The following SCN2B variants were observed in gnomAD, a reference collection of about 807,000 sequenced individuals.
The protein encoded by SCN2B is sodium channel regulatory subunit beta-2.
SCN2B carries 14 observed loss-of-function variants against 18.2 expected under a neutral mutation model. That is an observed-to-expected ratio of 0.77 (90% CI 0.51 to 1.21). SCN2B has a LOEUF of 1.21. Among genes scored for constraint, SCN2B ranks in the 50% most tolerant of loss-of-function variants. The pLI is 0.00. For synonymous variants in SCN2B, 115 were observed against 115.3 expected, an observed-to-expected ratio of 1.00 and a Z score of 0.02; for missense variants, 262 against 286.9, an observed-to-expected ratio of 0.91 and a Z score of 0.63.
rs1267349591 is a variant in SCN2B at position 118,168,579 on chromosome 11, A to G, written c.237+6T>C. On this transcript the variant is annotated splice_donor_region_variant and intron_variant, in intron 2 of 3. Transcript: ENST00000278947. This position sits in a 1 kb window ranked among gnomAD's most constrained non-coding sequence, Gnocchi z 4.7. ...CCCCTGCCCCTGCCTTCAGCCCAGG[A>G]CTCACCATCTCCTCAGAGCAGTTGT... The G allele has an allele frequency of 2.5e-6, 4 of 1,613,948 alleles. No individual in the cohort carries two copies. In the African/African-American group the frequency reaches 5.3e-5, roughly 22 times the overall value.
Position 118,176,363 on chromosome 11 carries a change from CA to C in SCN2B, c.68del (p.Leu23TrpfsTer36). On this transcript the variant is annotated frameshift_variant and splice_region_variant, in exon 1 of 4. Coordinates refer to ENST00000278947, the MANE Select transcript of SCN2B (RefSeq NM_004588.5). LOFTEE classifies it high-confidence loss of function. ...AGCATGCAGATGTGTCTAACTTACC[CA>C]AAGAGAAAAAGAGACTGAGCCCCGT... ...SLTGLSLFFS[L>X]VPPGRSMEVT... 1 of 1,613,756 alleles carries C rather than the reference CA, an allele frequency of 6.2e-7. No individual in the cohort carries two copies.
At chr11:118,170,998 G>A (rs959558588) in intron 1 of SCN2B, among the ~76,000 whole-genome samples, 1 of 151,898 alleles carries the variant, frequency 6.6e-6, no homozygotes, top group Admixed American at 6.6e-5. Context: ...AGAAGCAGCC[G>A]CCCTGCAGCC....
rs781755262 is a variant in SCN2B at position 118,168,775 on chromosome 11, T to C, written c.71-24A>G. On this transcript the variant is annotated intron_variant, in intron 1 of 3. Coordinates refer to ENST00000278947, the MANE Select transcript of SCN2B (RefSeq NM_004588.5). The surrounding 1 kb of genome is among the most constrained non-coding windows in gnomAD (Gnocchi z 4.7). ...CACTGCAGATGAAGCCACAAGCTGG[T>C]GAGGAGTCTGGCTGAAAGGGCTGGG... 1.2e-5 allele frequency: 19 copies of C among 1,613,700 alleles called. No homozygotes were observed. Among genetic ancestry groups the C allele is most frequent in the Admixed American group, 3.3e-5 (2 of 60,010 alleles).
At chr11:118,174,410 C>G (rs147891560) in intron 1 of SCN2B, among the ~76,000 whole-genome samples, 5 of 152,086 alleles carry the variant, frequency 3.3e-5, no homozygotes, top group African/African-American at 1.2e-4. Flanking sequence ...GGTTGCCCAC[C>G]TGCCCTTTCT....
In SCN2B at chr11:118,166,577, A is replaced by C; in HGVS notation, c.*310T>G. ...GCGGCCCCCTCCTCTACCCCTGCCC[A>C]CCCACTCCCTTCTCTCTGGGGACCC... is the stretch of plus-strand genomic sequence containing the variant. On this transcript the variant is annotated 3_prime_UTR_variant, in exon 4 of 4. Transcript: ENST00000278947. 2.3e-6 allele frequency: 1 copy of C among 436,816 alleles called. No individual in the cohort carries two copies. Among genetic ancestry groups the C allele is most frequent in the Middle Eastern group, 6.9e-4 (1 of 1,450 alleles). The allele number at this position is 436,816 out of a possible 1,614,324, so 27.1% of individuals were successfully genotyped here.
chr11:118,174,607 T>C (rs1359343850), intron 1 of SCN2B, among the ~76,000 whole-genome samples: 1 of 152,102 alleles, frequency 6.6e-6, no homozygotes, highest in African/African-American at 2.4e-5. Flanking sequence ...AAGTTCAAGT[T>C]CAAGGTCCCC....
rs572921298 is a variant in SCN2B, at chr11:118,175,369, C to T, written c.70+993G>A. ...TAATATGCCAAGTAACTCAGCAAAG[C>T]AGGCTGGCAGGGCCTCTGCACTGTC... On this transcript the variant is annotated intron_variant, in intron 1 of 3. Transcript: ENST00000278947. 2.0e-5 allele frequency among the ~76,000 whole-genome samples: 3 copies of T among 152,304 alleles called. No individual in the cohort carries two copies. The East Asian group carries it at 5.8e-4, about 29-fold the overall frequency.
At position 118,176,350 on chromosome 11, in the gene SCN2B, T is replaced by C. The variant is rs1565465429; in HGVS notation, c.70+12A>G. On this transcript the variant is annotated intron_variant, in intron 1 of 3. Coordinates refer to ENST00000278947, the MANE Select transcript of SCN2B (RefSeq NM_004588.5). ...CTGAACCCTCGGGAGCATGCAGATG[T>C]GTCTAACTTACCCAAAGAGAAAAAG... 6.2e-7 allele frequency: 1 copy of C among 1,612,498 alleles called. No homozygotes were observed. Among genetic ancestry groups the C allele is most frequent in the Non-Finnish European group, 8.5e-7 (1 of 1,178,630 alleles).
Position 118,168,733 on chromosome 11 carries a change from A to G in SCN2B, c.89T>C (p.Met30Thr). ...GAGGGTGGCAGGTACTGTGACCTCC[A>G]TGCTCCGTCCTGGTGGCACTGCAGA... ...FFSLVPPGRS[M>T]EVTVPATLNV... Residue 30 changes from methionine to threonine, a missense_variant, in exon 2 of 4, where the codon ATG (methionine) becomes ACG (threonine). By Grantham distance (81) the Met-to-Thr change is moderately conservative. Coordinates refer to ENST00000278947, the MANE Select transcript of SCN2B (RefSeq NM_004588.5). The surrounding 1 kb of genome is among the most constrained non-coding windows in gnomAD (Gnocchi z 4.7). The G allele has an allele frequency of 8.7e-6, 14 of 1,614,194 alleles. No homozygotes were observed. The highest frequency in any genetic ancestry group is 1.2e-5 in the Non-Finnish European group (14 of 1,180,030).
Position 118,168,554 on chromosome 11 carries a change from C to T in SCN2B, c.237+31G>A. The T allele has an allele frequency of 6.2e-7, 1 of 1,613,878 alleles. No individual in the cohort carries two copies. On this transcript the variant is annotated intron_variant, in intron 2 of 3. Coordinates refer to ENST00000278947, the MANE Select transcript of SCN2B (RefSeq NM_004588.5). The surrounding 1 kb of genome is among the most constrained non-coding windows in gnomAD (Gnocchi z 4.7). ...TCATGCCATGGGGCTCCTACCTCCT[C>T]CCCTGCCCCTGCCTTCAGCCCAGGA...
At chr11:118,169,585 C>A (rs1347416963) in intron 1 of SCN2B, among the ~76,000 whole-genome samples, 1 of 152,134 alleles carries the variant, frequency 6.6e-6, no homozygotes, top group Non-Finnish European at 1.5e-5. Context: ...AGAGGGCAGA[C>A]AAGCTGTGGG....
chr11:118,167,425 A>G (rs1948393961), intron 3 of SCN2B, among the ~76,000 whole-genome samples: 1 of 152,218 alleles, frequency 6.6e-6, no homozygotes, highest in Admixed American at 6.5e-5. Flanking sequence ...AACATGTAAA[A>G]TGGGCTTAAT....
Position 118,166,812 on chromosome 11 carries a change from C to A in SCN2B, c.*75G>T, listed in dbSNP as rs978188950. ...TAGGTCACGGGAAGCACACCAAGAG[C>A]GAGCAGGCAGGGTCACTGTACAGGG... On this transcript the variant is annotated 3_prime_UTR_variant, in exon 4 of 4. Coordinates refer to ENST00000278947, the MANE Select transcript of SCN2B (RefSeq NM_004588.5). 1.3e-6 allele frequency: 2 copies of A among 1,581,746 alleles called. No individual in the cohort carries two copies. Among genetic ancestry groups the A allele is most frequent in the Admixed American group, 3.3e-5 (2 of 59,834 alleles).
chr11:118,176,261 A>G lies in SCN2B; in HGVS notation c.70+101T>C, dbSNP rs1948467282. On this transcript the variant is annotated intron_variant, in intron 1 of 3. Transcript: ENST00000278947. ...CTCCCCTCCCAAGGACACAGAGGGA[A>G]AGCGCTAGCAATGTCTTCTTTCCTA... 9.2e-6 allele frequency: 9 copies of G among 979,156 alleles called. No individual in the cohort carries two copies. The East Asian group carries it at 2.5e-4, about 27-fold the overall frequency. The allele number at this position is 979,156 out of a possible 1,614,324, so 60.7% of individuals were successfully genotyped here. A position where few individuals can be genotyped will look rare whatever the true frequency, so the allele number is the denominator to read the frequency against.
chr11:118,174,106 T>TTTG (rs1565464891), intron 1 of SCN2B, among the ~76,000 whole-genome samples: 2,131 of 128,936 alleles, frequency 0.017, 139 homozygotes, highest in African/African-American at 0.063. Context: ...TTTTTTTTTT[T>TTTG]TTTTTTTTTT....
rs2135515557 is a variant in SCN2B, at chr11:118,163,524, A to G, written c.*3363T>C. On this transcript the variant is annotated 3_prime_UTR_variant, in exon 4 of 4. Coordinates refer to ENST00000278947, the MANE Select transcript of SCN2B (RefSeq NM_004588.5). Reference sequence around the variant, plus strand: ...AGCTAGGGGGCAGATAGCTATTTCCAAAGCCAGTTCCAAGGCACCTCAAAG... The same window carrying G: ...AGCTAGGGGGCAGATAGCTATTTCCGAAGCCAGTTCCAAGGCACCTCAAAG... 1 of 152,796 alleles carries G rather than the reference A, an allele frequency of 6.5e-6. No individual in the cohort carries two copies. Among genetic ancestry groups the G allele is most frequent in the African/African-American group, 2.4e-5 (1 of 41,584 alleles). The allele number at this position is 152,796 out of a possible 1,614,324, so 9.5% of individuals were successfully genotyped here.
At chr11:118,174,099 T>C (rs954570081) in intron 1 of SCN2B, among the ~76,000 whole-genome samples, 1 of 123,652 alleles carries the variant, frequency 8.1e-6, no homozygotes, top group East Asian at 2.3e-4. Flanking sequence ...TTCTTTTTTT[T>C]TTTTTTTTTT....
rs1555101438 is a variant in SCN2B, at chr11:118,174,091, C to CTTTTGTTTTTTTTTTTTTTTTTTTTT, written c.70+2270_70+2271insAAAAAAAAAAAAAAAAAAAAACAAAA. On this transcript the variant is annotated intron_variant, in intron 1 of 3. Transcript: ENST00000278947. Reference sequence around the variant, plus strand: ...ACCATGCCTGGCTTATTTTTCTTTTCTTTTTTTTTTTTTTTTTTTTTTTTT... The same window carrying CTTTTGTTTTTTTTTTTTTTTTTTTTT: ...ACCATGCCTGGCTTATTTTTCTTTTCTTTTGTTTTTTTTTTTTTTTTTTTTTTTTTTTTTTTTTTTTTTTTTTTTTT... Among the ~76,000 whole-genome samples, 20 of 66,662 alleles carry CTTTTGTTTTTTTTTTTTTTTTTTTTT rather than the reference C, an allele frequency of 3.0e-4. 4 individuals are homozygous for CTTTTGTTTTTTTTTTTTTTTTTTTTT. Among genetic ancestry groups the CTTTTGTTTTTTTTTTTTTTTTTTTTT allele is most frequent in the African/African-American group, 1.2e-3 (18 of 15,546 alleles). The allele number at this position is 66,662 out of a possible 152,430, so 43.7% of individuals were successfully genotyped here.
At chr11:118,169,853 G>A (rs554090786) in intron 1 of SCN2B, among the ~76,000 whole-genome samples, 4 of 152,124 alleles carry the variant, frequency 2.6e-5, no homozygotes, top group Admixed American at 6.5e-5. Flanking sequence ...ACAGGGAGGC[G>A]AGCGAGGGGC....
Sources: allele counts gnomAD v4.1 joint callset (sites outside exome capture counted in the v4.1 genomes callset), GRCh38; gene constraint gnomAD v4.1.1; non-coding constraint Gnocchi (gnomAD v3.1); transcripts MANE v1.5; gene names NCBI Gene and HGNC (gene_info 2026-07-23, HGNC 2026-07-21).